Variants in MECOM observed in about 807,000 individuals in gnomAD.
MECOM encodes MDS1 and EVI1 complex locus.
Under a neutral mutation model 116.3 loss-of-function variants are expected in MECOM, and 13 were observed. The observed-to-expected ratio is 0.11, with a 90% CI of 0.07 to 0.18. The LOEUF is 0.18. MECOM is among the 10% of genes least tolerant of loss of function. The pLI is 1.00. For missense variants in MECOM, 1,299 were observed against 1,509.0 expected (o/e 0.86, Z 2.31); for synonymous variants, 528 against 535.2 (o/e 0.99, Z 0.19).
At chr3:169,649,186 A>C (rs1347082203) in intron 1 of MECOM, among the ~76,000 whole-genome samples, 2 of 152,176 alleles carry the variant, frequency 1.3e-5, no homozygotes, top group Non-Finnish European at 2.9e-5. Flanking sequence ...TCAGGCTGAC[A>C]CAGTGGCTCA....
chr3:169,164,675 C>T (rs1041216751), intron 2 of MECOM, among the ~76,000 whole-genome samples: 4 of 151,828 alleles, frequency 2.6e-5, no homozygotes, highest in Non-Finnish European at 5.9e-5. Context: ...TTTTTTGTCC[C>T]CAGCTATGAA....
At chr3:169,555,820 A>G (rs1761959835) in intron 1 of MECOM, among the ~76,000 whole-genome samples, 1 of 152,136 alleles carries the variant, frequency 6.6e-6, no homozygotes, top group South Asian at 2.1e-4. Flanking sequence ...GCAATTCATC[A>G]CTTATCTTCT....
intron 2 of MECOM, among the ~76,000 whole-genome samples, chr3:169,367,349 A>ATTTT (rs3980666): frequency 0.087 from 13,138 of 150,288 alleles, 738 homozygotes; most frequent in East Asian, 0.23. Context: ...TTGGTTTTTA[A>ATTTT]TTTTTTTTTT....
At chr3:169,596,638 C>T (rs900728065) in intron 1 of MECOM, among the ~76,000 whole-genome samples, 8 of 151,950 alleles carry the variant, frequency 5.3e-5, no homozygotes, top group African/African-American at 1.9e-4. Flanking sequence ...AGCAGTTTAC[C>T]GCTCACCATA....
chr3:169,224,619 G>T (rs184489294), intron 2 of MECOM, among the ~76,000 whole-genome samples: 13 of 152,356 alleles, frequency 8.5e-5, no homozygotes, highest in Non-Finnish European at 1.8e-4. Context: ...GGCCATTGGG[G>T]ATGGGAAGAA....
intron 2 of MECOM, among the ~76,000 whole-genome samples, chr3:169,358,818 A>G (rs961464457): frequency 6.6e-6 from 1 of 151,802 alleles, no homozygotes; most frequent in African/African-American, 2.4e-5. Context: ...TGGCTTTCAA[A>G]AGGATAACAG....
At chr3:169,209,987 A>G (rs981785351) in intron 2 of MECOM, among the ~76,000 whole-genome samples, 5 of 152,188 alleles carry the variant, frequency 3.3e-5, no homozygotes, top group Non-Finnish European at 7.3e-5. Context: ...AATAAAGAAA[A>G]TGTGGTATAT....
chr3:169,367,138 A>G (rs777068426), intron 2 of MECOM, among the ~76,000 whole-genome samples: 2 of 152,084 alleles, frequency 1.3e-5, no homozygotes, highest in Non-Finnish European at 2.9e-5. Flanking sequence ...GTATGACTGA[A>G]AAAACAGAAA....
intron 1 of MECOM, among the ~76,000 whole-genome samples, chr3:169,651,958 T>C (rs1362914405): frequency 6.6e-6 from 1 of 152,224 alleles, no homozygotes; most frequent in African/African-American, 2.4e-5. Context: ...TTTTATTTTA[T>C]ACATTCTTTT....
intron 2 of MECOM, among the ~76,000 whole-genome samples, chr3:169,197,274 A>G (rs1451800565): frequency 6.6e-6 from 1 of 151,888 alleles, no homozygotes; most frequent in African/African-American, 2.4e-5. Context: ...CACACAATTT[A>G]CCTGTATAAC....
intron 3 of MECOM, among the ~76,000 whole-genome samples, chr3:169,133,180 A>G (rs1056331516): frequency 1.3e-5 from 2 of 152,100 alleles, no homozygotes; most frequent in African/African-American, 4.8e-5. Context: ...TATTCTAAGA[A>G]TATATTCTTA....
chr3:169,485,976 A>G lies in MECOM; in HGVS notation c.38-104452T>C, dbSNP rs866548085. Among the ~76,000 whole-genome samples, 16 of 82,462 alleles carry G rather than the reference A, an allele frequency of 1.9e-4. 3 individuals carry two copies. Among genetic ancestry groups the G allele is most frequent in the African/African-American group, 8.0e-4 (12 of 14,914 alleles). The allele number at this position is 82,462 out of a possible 152,430, so 54.1% of individuals were successfully genotyped here. A position where few individuals can be genotyped will look rare whatever the true frequency, so the allele number is the denominator to read the frequency against. On this transcript the variant is annotated intron_variant, in intron 1 of 16. Transcript: ENST00000651503. ...ATGTACATATATACTATATATACAT[A>G]TATATATAGTATATATATGTATATA...
At chr3:169,127,801 G>GA (rs1308249829) in intron 5 of MECOM, 43 bp downstream of exon 5, 3 of 1,572,446 alleles carry the variant, frequency 1.9e-6, no homozygotes, top group Admixed American at 1.7e-5. Context: ...TAACATTGCA[G>GA]AAAAAATACA....
At position 169,599,169 on chromosome 3, in the gene MECOM, G is replaced by A. The variant is rs186455224; in HGVS notation, c.37+64167C>T. ...AAGTAAACTGAAGTGAGCTACAACCGATAGCGAAGAACCCTATACGCATTA... is the reference window on the plus strand; with the variant it reads ...AAGTAAACTGAAGTGAGCTACAACCAATAGCGAAGAACCCTATACGCATTA... On this transcript the variant is annotated intron_variant, in intron 1 of 16. Transcript: ENST00000651503. 1.1e-3 allele frequency among the ~76,000 whole-genome samples: 170 copies of A among 152,238 alleles called. 3 individuals are homozygous for A. The East Asian group carries it at 0.011, about 10-fold the overall frequency.
At chr3:169,176,922 T>A (rs968824792) in intron 2 of MECOM, among the ~76,000 whole-genome samples, 1 of 152,116 alleles carries the variant, frequency 6.6e-6, no homozygotes, top group African/African-American at 2.4e-5. Flanking sequence ...TGAGATACCA[T>A]CTCATGCCAG....
chr3:169,514,460 GT>G (rs1756382545), intron 1 of MECOM, among the ~76,000 whole-genome samples: 1 of 152,182 alleles, frequency 6.6e-6, no homozygotes, highest in African/African-American at 2.4e-5. Flanking sequence ...GAAAGAAGAG[GT>G]TTTGAGGATG....
At chr3:169,182,129 G>A (rs1353153804) in intron 2 of MECOM, among the ~76,000 whole-genome samples, 1 of 152,174 alleles carries the variant, frequency 6.6e-6, no homozygotes, top group East Asian at 1.9e-4. Context: ...AGATGTTTAC[G>A]ATTAATTACC....
At chr3:169,221,578 A>G (rs1752137044) in intron 2 of MECOM, among the ~76,000 whole-genome samples, 1 of 151,818 alleles carries the variant, frequency 6.6e-6, no homozygotes, top group Non-Finnish European at 1.5e-5. Flanking sequence ...AAAAAAAAAA[A>G]AAAAAGCCAG....
intron 1 of MECOM, among the ~76,000 whole-genome samples, chr3:169,554,135 G>A (rs1761746750): frequency 6.6e-6 from 1 of 152,152 alleles, no homozygotes; most frequent in Admixed American, 6.5e-5. Context: ...GAAACCTCAT[G>A]GCCTTCCATG....
Sources: gnomAD v4.1 joint callset for allele counts (sites outside exome capture counted in the v4.1 genomes callset) on GRCh38, gnomAD v4.1.1 for gene constraint, MANE v1.5 for transcripts, NCBI Gene and HGNC (gene_info 2026-07-23, HGNC 2026-07-21) for gene names.